The following CSMD1 variants were observed in gnomAD, a reference collection of about 807,000 sequenced individuals.
CSMD1 encodes the protein CUB and Sushi multiple domains 1.
A neutral mutation model predicts 417.5 loss-of-function variants in CSMD1; 213 were observed. That is an observed-to-expected ratio of 0.51 (90% CI 0.46 to 0.57). The LOEUF (loss-of-function observed/expected upper bound fraction) is 0.57, where lower values mean the gene tolerates loss of function less well. CSMD1 is among the 20% of genes least tolerant of loss of function. The pLI, the probability that CSMD1 is intolerant of heterozygous loss-of-function variation, is 0.00. For synonymous variants in CSMD1, 2,862 were observed against 1,736.8 expected (o/e 1.65, Z -16.11); for missense variants, 6,923 against 4,529.7 (o/e 1.53, Z -15.17).
chr8:4,256,015 T>C (rs546397594), intron 3 of CSMD1, among the ~76,000 whole-genome samples: 10 of 152,322 alleles, frequency 6.6e-5, no homozygotes, highest in African/African-American at 1.9e-4. Context: ...ATCTCATAAA[T>C]ACAGCATGGA....
At chr8:4,338,333 T>C (rs995078065) in intron 3 of CSMD1, among the ~76,000 whole-genome samples, 1 of 152,160 alleles carries the variant, frequency 6.6e-6, no homozygotes, top group Non-Finnish European at 1.5e-5. Flanking sequence ...GTATGTGATC[T>C]GTTCCAGGGC....
intron 12 of CSMD1, among the ~76,000 whole-genome samples, chr8:3,440,915 C>G (rs1030224896): frequency 1.3e-5 from 2 of 152,178 alleles, no homozygotes; most frequent in African/African-American, 2.4e-5. Flanking sequence ...CATGTCCACT[C>G]CCTTGTCCCC....
At chr8:3,543,596 A>G (rs149712947) in intron 10 of CSMD1, among the ~76,000 whole-genome samples, 8 of 152,244 alleles carry the variant, frequency 5.3e-5, no homozygotes, top group African/African-American at 1.7e-4. Flanking sequence ...AGAACAAAAG[A>G]AGGATTAAAT....
At chr8:3,093,600 G>A (rs1815101387) in intron 47 of CSMD1, among the ~76,000 whole-genome samples, 1 of 152,060 alleles carries the variant, frequency 6.6e-6, no homozygotes, top group Non-Finnish European at 1.5e-5. Context: ...CCCAGGAGGT[G>A]GAAGTTGCAG....
chr8:3,889,469 A>ATG (rs1806798986), intron 5 of CSMD1, among the ~76,000 whole-genome samples: 1 of 102,196 alleles, frequency 9.8e-6, no homozygotes, highest in Non-Finnish European at 2.0e-5. Context: ...ATATATATAT[A>ATG]TATATATATA....
At chr8:3,060,289 G>C (rs1042616386) in intron 49 of CSMD1, among the ~76,000 whole-genome samples, 8 of 151,888 alleles carry the variant, frequency 5.3e-5, no homozygotes, top group Admixed American at 3.9e-4. Flanking sequence ...GGGATTACAG[G>C]CGTGCACCAC....
chr8:4,334,572 C>T (rs544301883), intron 3 of CSMD1, among the ~76,000 whole-genome samples: 1 of 152,282 alleles, frequency 6.6e-6, no homozygotes, highest in East Asian at 1.9e-4. Flanking sequence ...TGATGGATGA[C>T]AGAGAGACAT....
At chr8:4,374,255 A>T (rs1339786885) in intron 3 of CSMD1, among the ~76,000 whole-genome samples, 1 of 152,134 alleles carries the variant, frequency 6.6e-6, no homozygotes, top group African/African-American at 2.4e-5. Context: ...CTAACGTGTG[A>T]GTTAATTTTT....
chr8:4,457,628 A>G (rs1190489946), intron 2 of CSMD1, among the ~76,000 whole-genome samples: 2 of 152,176 alleles, frequency 1.3e-5, no homozygotes, highest in South Asian at 2.1e-4. Context: ...GCCAATCATC[A>G]TAAATATTTA....
At chr8:4,285,785 G>C (rs552235446) in intron 3 of CSMD1, among the ~76,000 whole-genome samples, 129 of 152,284 alleles carry the variant, frequency 8.5e-4, no homozygotes, top group African/African-American at 3.0e-3. Context: ...TGCAGGCTCT[G>C]CTTCTTCTCC....
chr8:4,512,841 T>A (rs919455490), intron 2 of CSMD1, among the ~76,000 whole-genome samples: 4 of 150,882 alleles, frequency 2.7e-5, no homozygotes, highest in African/African-American at 9.7e-5. Context: ...ACCTCAGTAC[T>A]GTCAAGTTGT....
At chr8:4,099,559 T>C (rs1453113958) in intron 3 of CSMD1, among the ~76,000 whole-genome samples, 2 of 152,082 alleles carry the variant, frequency 1.3e-5, no homozygotes, top group Non-Finnish European at 2.9e-5. Context: ...AAGTACTGTT[T>C]AAGGCATGGC....
intron 3 of CSMD1, among the ~76,000 whole-genome samples, chr8:4,176,228 C>T (rs1485923619): frequency 6.6e-6 from 1 of 152,000 alleles, no homozygotes; most frequent in Admixed American, 6.5e-5. Flanking sequence ...GGCTATATAG[C>T]TTATGTACGT....
At chr8:4,502,423 C>G (rs1034218755) in intron 2 of CSMD1, among the ~76,000 whole-genome samples, 4 of 152,122 alleles carry the variant, frequency 2.6e-5, no homozygotes, top group African/African-American at 9.7e-5. Flanking sequence ...AATTCTTTCC[C>G]ACCCTTTGTC....
intron 5 of CSMD1, among the ~76,000 whole-genome samples, chr8:3,876,265 T>C (rs893239167): frequency 6.6e-6 from 1 of 152,144 alleles, no homozygotes; most frequent in Non-Finnish European, 1.5e-5. Flanking sequence ...CATTCACGTG[T>C]TGTTTTATTT....
intron 52 of CSMD1, among the ~76,000 whole-genome samples, chr8:3,015,429 T>C (rs956456403): frequency 5.3e-5 from 8 of 152,106 alleles, no homozygotes; most frequent in Non-Finnish European, 2.9e-5. Flanking sequence ...GGTTGTTTTG[T>C]TTTGTCAAGG....
chr8:3,289,471 A>T (rs546725626), intron 25 of CSMD1, among the ~76,000 whole-genome samples: 1 of 147,406 alleles, frequency 6.8e-6, no homozygotes, highest in Non-Finnish European at 1.5e-5. Context: ...ATTTCTCCAT[A>T]TCCTCTCCAG....
chr8:4,600,599 T>G (rs1240401357), intron 2 of CSMD1, among the ~76,000 whole-genome samples: 2 of 152,214 alleles, frequency 1.3e-5, no homozygotes, highest in Non-Finnish European at 2.9e-5. Flanking sequence ...TTTATTCAAA[T>G]TCAACATCAA....
chr8:4,354,995 G>A (rs1024696068), intron 3 of CSMD1, among the ~76,000 whole-genome samples: 4 of 151,600 alleles, frequency 2.6e-5, no homozygotes, highest in Non-Finnish European at 2.9e-5. Flanking sequence ...AGGCACGGTG[G>A]CTCACGCCTG....
Sources: gnomAD v4.1 joint callset for allele counts (sites outside exome capture counted in the v4.1 genomes callset) on GRCh38, gnomAD v4.1.1 for gene constraint, MANE v1.5 for transcripts, NCBI Gene and HGNC (gene_info 2026-07-23, HGNC 2026-07-21) for gene names.